The following FNDC3B variants were observed in gnomAD, a reference collection of about 807,000 sequenced individuals.
FNDC3B encodes fibronectin type III domain-containing protein 3B.
FNDC3B carries 12 observed loss-of-function variants against 151.5 expected under a neutral mutation model. The ratio of observed to expected loss-of-function variants is 0.08; its 90% CI spans 0.05 to 0.13. The LOEUF is 0.13. FNDC3B is among the 10% of genes least tolerant of loss of function. FNDC3B has a pLI of 1.00. For synonymous variants in FNDC3B, 528 were observed against 549.0 expected (o/e 0.96, Z 0.54); for missense variants, 1,214 against 1,505.3 (o/e 0.81, Z 3.20).
intron 4 of FNDC3B, among the ~76,000 whole-genome samples, chr3:172,245,151 T>C (rs1727711091): frequency 6.6e-6 from 1 of 152,214 alleles, no homozygotes; most frequent in South Asian, 2.1e-4. Context: ...AAAAAGTTAG[T>C]GCTTTTTGAT....
chr3:172,092,164 A>G (rs1478835359), intron 1 of FNDC3B, among the ~76,000 whole-genome samples: 1 of 152,162 alleles, frequency 6.6e-6, no homozygotes, highest in Non-Finnish European at 1.5e-5. Flanking sequence ...CAAACCTCCT[A>G]TGTCAAACAG....
At chr3:172,182,860 A>G (rs1723986359) in intron 3 of FNDC3B, among the ~76,000 whole-genome samples, 1 of 152,260 alleles carries the variant, frequency 6.6e-6, no homozygotes, top group Non-Finnish European at 1.5e-5. Context: ...AGTTTAGAAA[A>G]GGGAGTAAAA....
rs563120849 is a variant in FNDC3B at position 172,264,402 on chromosome 3, G to A, written c.790+12861G>A. On this transcript the variant is annotated intron_variant, in intron 6 of 25. Transcript: ENST00000415807. ...AATCATCTAAATCTTAGCCTTTATA[G>A]TTAAGATTTCAGAACTTGGTTTTCT... Among the ~76,000 whole-genome samples the A allele has an allele frequency of 6.5e-4, 99 of 152,272 alleles. 1 individual carries two copies. The highest frequency in any genetic ancestry group is 2.2e-3 in the African/African-American group (92 of 41,550).
chr3:172,075,897 A>G (rs979146895), intron 1 of FNDC3B, among the ~76,000 whole-genome samples: 1 of 152,132 alleles, frequency 6.6e-6, no homozygotes, highest in African/African-American at 2.4e-5. Context: ...TGATTATGTG[A>G]CCCAAGAATG....
intron 2 of FNDC3B, among the ~76,000 whole-genome samples, chr3:172,120,866 A>C (rs145067045): frequency 0.013 from 2,019 of 152,082 alleles, 49 homozygotes; most frequent in African/African-American, 0.047. Flanking sequence ...CAGGAGGCTG[A>C]GGCAGGAGAA....
chr3:172,370,038 A>G (rs148031894), intron 23 of FNDC3B, among the ~76,000 whole-genome samples: 23 of 152,296 alleles, frequency 1.5e-4, no homozygotes, highest in African/African-American at 4.8e-4. Context: ...ATGTTTTGAA[A>G]GGTACCATTT....
Position 172,269,435 on chromosome 3 carries a change from ATT to A in FNDC3B, c.791-16476_791-16475del, listed in dbSNP as rs377668715. On this transcript the variant is annotated intron_variant, in intron 6 of 25. Coordinates refer to ENST00000415807, the MANE Select transcript of FNDC3B (RefSeq NM_022763.4). ...CACCATGGCTGGCTAATTAAAAAAA[ATT>A]TTTTTTTTTTTTTTGGTAGAGATGG... Among the ~76,000 whole-genome samples the A allele has an allele frequency of 1.8e-3, 96 of 53,136 alleles. 1 individual carries two copies. Among genetic ancestry groups the A allele is most frequent in the African/African-American group, 9.4e-3 (75 of 7,976 alleles). 34.9% of individuals were successfully genotyped at this position (53,136 alleles called of 152,430 possible). A position where few individuals can be genotyped will look rare whatever the true frequency, so the allele number is the denominator to read the frequency against.
intron 1 of FNDC3B, among the ~76,000 whole-genome samples, chr3:172,072,717 G>A (rs1717836550): frequency 6.6e-6 from 1 of 152,092 alleles, no homozygotes; most frequent in Admixed American, 6.5e-5. Flanking sequence ...GGACTTTGTG[G>A]GCCAAAAGCA....
intron 1 of FNDC3B, among the ~76,000 whole-genome samples, chr3:172,107,791 A>G (rs1330339386): frequency 1.3e-5 from 2 of 152,130 alleles, no homozygotes; most frequent in Non-Finnish European, 1.5e-5. Flanking sequence ...TGTGTATGTA[A>G]CTGACAATCT....
intron 4 of FNDC3B, among the ~76,000 whole-genome samples, chr3:172,238,370 G>A (rs1727279294): frequency 6.6e-6 from 1 of 152,098 alleles, no homozygotes; most frequent in Non-Finnish European, 1.5e-5. Flanking sequence ...TGCCCAGTCT[G>A]GTCTTGAACT....
chr3:172,227,282 A>C (rs1726641006), intron 4 of FNDC3B: 1 of 197,700 alleles, frequency 5.1e-6, no homozygotes, highest in Non-Finnish European at 1.0e-5. Context: ...AAATTCATAG[A>C]TGTAGTTAGT....
Position 172,352,828 on chromosome 3 carries a change from C to T in FNDC3B, c.2540C>T (p.Pro847Leu), listed in dbSNP as rs776658202. 17 of 1,613,896 alleles carry T rather than the reference C, an allele frequency of 1.1e-5. No individual in the cohort carries two copies. Among genetic ancestry groups the T allele is most frequent in the South Asian group, 8.8e-5 (8 of 91,080 alleles). The change falls in exon 22 of 26, where the codon CCG becomes CTG. Residue 847 changes from proline to leucine, a missense_variant. Coordinates refer to ENST00000415807, the MANE Select transcript of FNDC3B (RefSeq NM_022763.4). This position sits in a 1 kb window ranked among gnomAD's most constrained non-coding sequence, Gnocchi z 4.2. ...GCCTTCAATCAAGCAGGGGCAGGGC[C>T]GTACAGTGAACTTGTCCTTTGCCAG... ...LQAFNQAGAGPYSELVLCQTP... is the reference protein window; with the variant it reads ...LQAFNQAGAGLYSELVLCQTP...
intron 3 of FNDC3B, among the ~76,000 whole-genome samples, chr3:172,220,442 G>A (rs542107555): frequency 6.6e-6 from 1 of 152,154 alleles, no homozygotes; most frequent in East Asian, 1.9e-4. Context: ...AATATGATTT[G>A]TAAATATTTT....
At chr3:172,346,101 C>T (rs532176) in intron 19 of FNDC3B, 166,395 of 277,988 alleles carry the variant, frequency 0.6, 51,051 homozygotes, top group Non-Finnish European at 0.65. Context: ...AATTATTTTA[C>T]AATTAAAAAA....
At chr3:172,289,117 G>C (rs1730180623) in intron 7 of FNDC3B, among the ~76,000 whole-genome samples, 1 of 152,214 alleles carries the variant, frequency 6.6e-6, no homozygotes, top group Non-Finnish European at 1.5e-5. Context: ...TGGCTAGGCT[G>C]TAATCAAGGT....
chr3:172,102,713 C>T (rs551696312), intron 1 of FNDC3B, among the ~76,000 whole-genome samples: 7 of 152,252 alleles, frequency 4.6e-5, no homozygotes, highest in Non-Finnish European at 7.4e-5. Context: ...CTGGGTAAAG[C>T]GTGAGCTTCT....
chr3:172,223,220 C>G (rs999766527), intron 3 of FNDC3B, among the ~76,000 whole-genome samples: 1 of 152,138 alleles, frequency 6.6e-6, no homozygotes, highest in Non-Finnish European at 1.5e-5. Flanking sequence ...TTTAGGAAGA[C>G]AATAACTTCT....
At chr3:172,353,194 G>C (rs1470093909) in intron 22 of FNDC3B, 111 bp downstream of exon 22, 1 of 1,036,884 alleles carries the variant, frequency 9.6e-7, no homozygotes, top group Non-Finnish European at 1.4e-6. Flanking sequence ...GTTTCTAAGA[G>C]CCCAGATGTC....
chr3:172,221,421 G>T (rs1368028135), intron 3 of FNDC3B, among the ~76,000 whole-genome samples: 3 of 151,332 alleles, frequency 2.0e-5, no homozygotes, highest in Admixed American at 6.6e-5. Flanking sequence ...TCAAAGCATG[G>T]TCCCTAGACA....
Sources: gnomAD v4.1 joint callset for allele counts (sites outside exome capture counted in the v4.1 genomes callset) on GRCh38, gnomAD v4.1.1 for gene constraint, Gnocchi (gnomAD v3.1) non-coding constraint, MANE v1.5 for transcripts, NCBI Gene and HGNC (gene_info 2026-07-23, HGNC 2026-07-21) for gene names.